The following CFAP47 variants were observed in gnomAD, a reference collection of about 807,000 sequenced individuals.
CFAP47 encodes cilia and flagella associated protein 47.
A neutral mutation model predicts 148.1 loss-of-function variants in CFAP47; 29 were observed. The ratio of observed to expected loss-of-function variants is 0.20; its 90% CI spans 0.15 to 0.27. The LOEUF (loss-of-function observed/expected upper bound fraction) is 0.27, where lower values mean the gene tolerates loss of function less well. Among genes scored for constraint, CFAP47 ranks in the 10% least tolerant of loss-of-function variants. CFAP47 has a pLI of 1.00. For missense variants in CFAP47, 1,872 were observed against 1,697.5 expected, an observed-to-expected ratio of 1.10 and a Z score of -1.81; for synonymous variants, 664 against 577.3, an observed-to-expected ratio of 1.15 and a Z score of -2.15.
intron 48 of CFAP47, among the ~76,000 whole-genome samples, chrX:36,248,524 A>ACACACACACACAC (rs1602068809): frequency 9.5e-6 from 1 of 105,044 alleles, no homozygotes; most frequent in African/African-American, 3.5e-5. Flanking sequence ...ACACACACAC[A>ACACACACACACAC]ACAACAGAGC....
At chrX:36,275,080 C>A (rs1941000089) in intron 49 of CFAP47, among the ~76,000 whole-genome samples, 2 of 110,651 alleles carry the variant, frequency 1.8e-5, no homozygotes, top group African/African-American at 6.6e-5. Context: ...TTTCTTTTTT[C>A]TTTTCTTTTT....
At chrX:36,345,118 T>G (rs1340694554) in intron 57 of CFAP47, among the ~76,000 whole-genome samples, 1 of 112,287 alleles carries the variant, frequency 8.9e-6, no homozygotes, top group Non-Finnish European at 1.9e-5. Context: ...ATACAAAATG[T>G]AATGACCTTC....
rs1327212417 is a variant in CFAP47, at chrX:35,989,409, T to C, written c.2804T>C (p.Val935Ala). 8.3e-7 allele frequency: 1 copy of C among 1,210,778 alleles called. No homozygotes were observed. The highest frequency in any genetic ancestry group is 2.2e-5 in the Admixed American group (1 of 46,050). ...GAAGAAGGAGAATTTATTCTTCATG[T>C]CTTTCAAGGAAACGCGTTGAAGCTA... ...SPEEGEFILH[V>A]FQGNALKLKC... Residue 935 changes from valine to alanine, a missense_variant, in exon 16 of 64, where the codon GTC becomes GCC. Coordinates refer to ENST00000378653, the MANE Select transcript of CFAP47 (RefSeq NM_001304548.2).
Position 36,379,976 on chromosome X carries a change from GA to G in CFAP47, c.9354+468del, listed in dbSNP as rs782161903. Among the ~76,000 whole-genome samples the G allele has an allele frequency of 5.1e-3, 535 of 104,745 alleles. 1 individual carries two copies. The highest frequency in any genetic ancestry group is 6.5e-3 in the African/African-American group (188 of 28,919). The allele number at this position is 104,745 out of a possible 115,157, so 91.0% of individuals were successfully genotyped here. On this transcript the variant is annotated intron_variant, in intron 63 of 63. Coordinates refer to ENST00000378653, the MANE Select transcript of CFAP47 (RefSeq NM_001304548.2). ...TAATATATAACATTTATTTTGAATT[GA>G]AAAAAAAAATGATGTGAGCCAGTAA...
intron 59 of CFAP47, 122 bp from the exon 60 acceptor site, chrX:36,353,407 A>G (rs1220251577): frequency 1.8e-6 from 1 of 557,358 alleles, no homozygotes; most frequent in African/African-American, 2.4e-5. Flanking sequence ...GGCCAGATAC[A>G]ATGACAAGTC....
Position 36,306,846 on chromosome X carries a change from T to A in CFAP47, c.8157T>A (p.His2719Gln). 1 of 1,151,807 alleles carries A rather than the reference T, an allele frequency of 8.7e-7. No individual in the cohort carries two copies. The highest frequency in any genetic ancestry group is 2.6e-5 in the Admixed American group (1 of 38,324). The allele number at this position is 1,151,807 out of a possible 1,213,427, so 94.9% of individuals were successfully genotyped here. A position where few individuals can be genotyped will look rare whatever the true frequency, so the allele number is the denominator to read the frequency against. The part of the protein sequence containing the change: ...FYPSALGRAD[H>Q]QACINFYCTQ... ...CTTCTGCACTTGGAAGAGCTGATCA[T>A]CAAGCTTGCATCAACTTCTACTGTA... The change falls in exon 55 of 64, where the codon CAT (histidine) becomes CAA (glutamine). Residue 2719 changes from histidine (H) to glutamine (Q), a missense_variant. Physicochemically the swap from His to Gln is conservative, Grantham distance 24. Coordinates refer to ENST00000378653, the MANE Select transcript of CFAP47 (RefSeq NM_001304548.2).
At chrX:36,271,125 GA>G (rs1284010539) in intron 49 of CFAP47, among the ~76,000 whole-genome samples, 2 of 111,586 alleles carry the variant, frequency 1.8e-5, no homozygotes, top group Admixed American at 9.6e-5. Flanking sequence ...ATTAGTGGAA[GA>G]TTTTTTAGGC....
intron 29 of CFAP47, among the ~76,000 whole-genome samples, chrX:36,079,228 G>T (rs940516873): frequency 3.6e-5 from 4 of 111,565 alleles, no homozygotes; most frequent in Non-Finnish European, 7.5e-5. Context: ...GGCCTGCCTT[G>T]CTAGGTTGGG....
chrX:36,366,846 C>A, intron 61 of CFAP47, 120 bp from the exon 62 acceptor site: 1 of 353,079 alleles, frequency 2.8e-6, no homozygotes, highest in Admixed American at 5.4e-5. Flanking sequence ...ATTAAATGTC[C>A]TAGTGTTTTC....
chrX:36,222,031 AC>A (rs1365712406), intron 45 of CFAP47, among the ~76,000 whole-genome samples: 1 of 111,776 alleles, frequency 8.9e-6, no homozygotes, highest in African/African-American at 3.2e-5. Context: ...CTTGCCATTT[AC>A]ATACTACAGC....
chrX:36,013,760 G>A (rs944148938), intron 21 of CFAP47, among the ~76,000 whole-genome samples: 28 of 111,986 alleles, frequency 2.5e-4, no homozygotes, highest in African/African-American at 8.4e-4. Flanking sequence ...TAATCATGAG[G>A]TTTTCAGTCT....
intron 8 of CFAP47, among the ~76,000 whole-genome samples, chrX:35,960,632 G>A (rs1208934643): frequency 9.0e-6 from 1 of 110,884 alleles, no homozygotes; most frequent in Non-Finnish European, 1.9e-5. Context: ...TTGATGCTAT[G>A]TAAATGAAAT....
chrX:36,104,528 C>A lies in CFAP47; in HGVS notation c.5157C>A (p.Tyr1719Ter). ...KVLVLSRVVPYCSNNMPPICV... is the reference protein window; with the variant it reads ...KVLVLSRVVP ...TGGTTCTATCCCGTGTAGTGCCATA[C>A]TGCAGCAATAATATGCCCCCCATAT... The change falls in exon 33 of 64, where the codon TAC becomes TAA. Residue 1719 changes from tyrosine to a stop codon, truncating the protein, a stop_gained. Transcript: ENST00000378653. LOFTEE classifies it high-confidence loss of function. 1 of 986,375 alleles carries A rather than the reference C, an allele frequency of 1.0e-6. No individual in the cohort carries two copies. The highest frequency in any genetic ancestry group is 1.4e-6 in the Non-Finnish European group (1 of 724,761). The allele number at this position is 986,375 out of a possible 1,213,427, so 81.3% of individuals were successfully genotyped here. A position where few individuals can be genotyped will look rare whatever the true frequency, so the allele number is the denominator to read the frequency against.
chrX:35,920,734 T>C (rs1935565066), intron 1 of CFAP47, among the ~76,000 whole-genome samples: 1 of 111,855 alleles, frequency 8.9e-6, no homozygotes, highest in Non-Finnish European at 1.9e-5. Flanking sequence ...GATCACATTT[T>C]CTCAGGCAAA....
At position 36,335,087 on chromosome X, in the gene CFAP47, A is replaced by G. The variant is rs1309187175; in HGVS notation, c.8444-13042A>G. Among the ~76,000 whole-genome samples the G allele has an allele frequency of 3.6e-5, 4 of 111,193 alleles. No individual in the cohort carries two copies. The East Asian group carries it at 1.1e-3, about 31-fold the overall frequency. On this transcript the variant is annotated intron_variant, in intron 57 of 63. Transcript: ENST00000378653. Reference sequence around the variant, plus strand: ...GGCTTAAAAATTCAATGGCCTACACATTATCTGTATTTAAATATCTAATAT... The same window carrying G: ...GGCTTAAAAATTCAATGGCCTACACGTTATCTGTATTTAAATATCTAATAT...
intron 4 of CFAP47, among the ~76,000 whole-genome samples, chrX:35,948,989 A>G (rs1679718746): frequency 9.0e-6 from 1 of 111,018 alleles, no homozygotes; most frequent in African/African-American, 3.3e-5. Flanking sequence ...AAGACCAGAA[A>G]AACCAAATGG....
intron 6 of CFAP47, among the ~76,000 whole-genome samples, chrX:35,952,972 C>G (rs1158019444): frequency 8.9e-6 from 1 of 112,111 alleles, no homozygotes; most frequent in Non-Finnish European, 1.9e-5. Flanking sequence ...TGAGTTTGCA[C>G]TACTAGAGAG....
chrX:35,975,663 G>T lies in CFAP47; in HGVS notation c.2472-9G>T, dbSNP rs778468927. 6.6e-5 allele frequency: 79 copies of T among 1,205,594 alleles called. No individual in the cohort carries two copies. The highest frequency in any genetic ancestry group is 8.3e-5 in the Non-Finnish European group (74 of 892,519). On this transcript the variant is annotated splice_polypyrimidine_tract_variant and intron_variant, in intron 14 of 63. Transcript: ENST00000378653. ...TCAGTTAAATTTGGATGCTTTTGCT[G>T]CATTACAGGTCTTTCACCTTTACAG...
At chrX:36,253,877 C>T (rs1189694863) in intron 49 of CFAP47, among the ~76,000 whole-genome samples, 2 of 111,735 alleles carry the variant, frequency 1.8e-5, no homozygotes, top group Non-Finnish European at 3.8e-5. Flanking sequence ...TTTAGCAGCT[C>T]CTAAAGTGTT....
Sources: allele counts gnomAD v4.1 joint callset (sites outside exome capture counted in the v4.1 genomes callset), GRCh38; gene constraint gnomAD v4.1.1; transcripts MANE v1.5; gene names NCBI Gene and HGNC (gene_info 2026-07-23, HGNC 2026-07-21).